SSH1: variants seen among roughly 807,000 people sequenced by gnomAD.
SSH1 encodes slingshot protein phosphatase 1.
A neutral mutation model predicts 79.7 loss-of-function variants in SSH1; 43 were observed. The observed-to-expected ratio is 0.54, with a 90% CI of 0.42 to 0.70. The LOEUF (loss-of-function observed/expected upper bound fraction) is 0.70. SSH1 is among the 30% of genes least tolerant of loss of function. The pLI is 0.00. For synonymous variants in SSH1, 599 were observed against 538.3 expected, an observed-to-expected ratio of 1.11 and a Z score of -1.56; for missense variants, 1,206 against 1,358.8, an observed-to-expected ratio of 0.89 and a Z score of 1.77.
chr12:108,804,364 C>CACTAGGCCTCTCTAATTTT (rs2037168858), intron 10 of SSH1, among the ~76,000 whole-genome samples: 1 of 152,224 alleles, frequency 6.6e-6, no homozygotes. Context: ...TTCATTACAC[C>CACTAGGCCTCTCTAATTTT]ACTAGGCCTC....
At chr12:108,848,004 G>A (rs2038937125) in intron 2 of SSH1, among the ~76,000 whole-genome samples, 2 of 152,200 alleles carry the variant, frequency 1.3e-5, no homozygotes, top group Admixed American at 1.3e-4. Flanking sequence ...ACTGGCCTAG[G>A]GAACGTGTGT....
intron 2 of SSH1, chr12:108,836,874 A>C (rs1245219753): frequency 3.8e-6 from 2 of 529,824 alleles, no homozygotes; most frequent in Non-Finnish European, 7.8e-6. Context: ...GGAATCACAC[A>C]AGAACATCAG....
At chr12:108,854,563 G>C (rs150267075) in intron 1 of SSH1, among the ~76,000 whole-genome samples, 15 of 152,292 alleles carry the variant, frequency 9.8e-5, no homozygotes, top group South Asian at 2.1e-4. Context: ...TTCCCACGCC[G>C]GCAGCAGGCC....
Position 108,798,197 on chromosome 12 carries a change from C to T in SSH1, c.1349+803G>A, listed in dbSNP as rs1423707593. Among the ~76,000 whole-genome samples the T allele has an allele frequency of 7.2e-5, 11 of 152,248 alleles. No individual in the cohort carries two copies. In the East Asian group the frequency reaches 2.1e-3, roughly 29 times the overall value. Reference sequence around the variant, plus strand: ...CTGGGTAAATGAGGCACCTCTGTCACGTGTCCCAAAAAGGGGTCAAGAAAA... The same window carrying T: ...CTGGGTAAATGAGGCACCTCTGTCATGTGTCCCAAAAAGGGGTCAAGAAAA... On this transcript the variant is annotated intron_variant, in intron 13 of 14. Transcript: ENST00000326495.
intron 2 of SSH1, among the ~76,000 whole-genome samples, chr12:108,844,128 G>C (rs1184225652): frequency 6.6e-6 from 1 of 152,026 alleles, no homozygotes; most frequent in Non-Finnish European, 1.5e-5. Flanking sequence ...ATTTAATTCT[G>C]ACAACCACCC....
intron 2 of SSH1, among the ~76,000 whole-genome samples, chr12:108,824,365 T>C (rs1377779411): frequency 2.0e-5 from 3 of 151,984 alleles, no homozygotes; most frequent in African/African-American, 4.8e-5. Flanking sequence ...AATCGCTTAC[T>C]TGAGCCCCAG....
intron 2 of SSH1, among the ~76,000 whole-genome samples, chr12:108,824,412 A>G (rs1170179349): frequency 6.6e-6 from 1 of 151,678 alleles, no homozygotes. Flanking sequence ...CGCACCACGC[A>G]CCACTGCACT....
At chr12:108,840,932 C>T (rs866023839) in intron 2 of SSH1, among the ~76,000 whole-genome samples, 1 of 152,204 alleles carries the variant, frequency 6.6e-6, no homozygotes, top group African/African-American at 2.4e-5. Flanking sequence ...AGCGCATGAC[C>T]TTGCTCTCAC....
intron 2 of SSH1, among the ~76,000 whole-genome samples, chr12:108,838,789 T>C (rs2038704343): frequency 6.6e-6 from 1 of 152,238 alleles, no homozygotes; most frequent in Non-Finnish European, 1.5e-5. Flanking sequence ...ACTGATCTGC[T>C]GGTATTTTCA....
intron 2 of SSH1, chr12:108,837,005 C>T (rs776912951): frequency 1.0e-5 from 5 of 488,054 alleles, no homozygotes; most frequent in East Asian, 6.0e-5. Flanking sequence ...CTGAGGTGGG[C>T]GGATCACTTG....
intron 10 of SSH1, among the ~76,000 whole-genome samples, chr12:108,803,372 A>C (rs1248625150): frequency 1.3e-5 from 2 of 151,768 alleles, no homozygotes; most frequent in African/African-American, 2.4e-5. Flanking sequence ...GGGAAAAAAA[A>C]AAAGAAAAGA....
chr12:108,802,349 G>T lies in SSH1; in HGVS notation c.974C>A (p.Ser325Tyr). 6 of 1,614,066 alleles carry T rather than the reference G, an allele frequency of 3.7e-6. No homozygotes were observed. The highest frequency in any genetic ancestry group is 5.1e-6 in the Non-Finnish European group (6 of 1,179,990). ...HLYLGSEWNASNLEELQGSGV... is the reference protein window; with the variant it reads ...HLYLGSEWNAYNLEELQGSGV... ...TGAGCCCTGCAGTTCCTCCAGATTG[G>T]ATGCATTCCATTCAGAGCCCTGGGA... The change falls in exon 11 of 15, where the codon TCC (serine) becomes TAC (tyrosine). Residue 325 changes from serine (S) to tyrosine (Y), a missense_variant. By Grantham distance (144) the Ser-to-Tyr change is moderately radical (BLOSUM62 -2). This residue lies in a region of SSH1 where 166 missense variants were observed against 262.9 expected (regional missense o/e 0.63). Coordinates refer to ENST00000326495, the MANE Select transcript of SSH1 (RefSeq NM_018984.4).
intron 2 of SSH1, among the ~76,000 whole-genome samples, chr12:108,849,218 T>C (rs1458528860): frequency 6.6e-6 from 1 of 152,136 alleles, no homozygotes; most frequent in African/African-American, 2.4e-5. Context: ...TAAGGTCCCC[T>C]GCAGCTCCCA....
At chr12:108,851,836 T>G (rs929679154) in intron 2 of SSH1, among the ~76,000 whole-genome samples, 1 of 151,952 alleles carries the variant, frequency 6.6e-6, no homozygotes, top group Non-Finnish European at 1.5e-5. Flanking sequence ...AAAAGCAAGA[T>G]GAAAAAGTGA....
At chr12:108,836,512 A>T (rs1173732429) in intron 2 of SSH1, among the ~76,000 whole-genome samples, 1 of 152,260 alleles carries the variant, frequency 6.6e-6, no homozygotes, top group Non-Finnish European at 1.5e-5. Flanking sequence ...GCCAGCCTGG[A>T]TGAGATCCCA....
In SSH1 at chr12:108,782,338, A is replaced by T. The variant is rs139641692; in HGVS notation, c.*5650T>A. ...GAGCAGGTTAGATGTTCTTTAGTGC[A>T]CACCTCTGGCTTTACATTTCCTACT... On this transcript the variant is annotated 3_prime_UTR_variant, in exon 15 of 15. Coordinates refer to ENST00000326495, the MANE Select transcript of SSH1 (RefSeq NM_018984.4). 122 of 151,610 alleles carry T rather than the reference A, an allele frequency of 8.0e-4. 1 individual carries two copies. The highest frequency in any genetic ancestry group is 3.5e-3 in the Middle Eastern group (1 of 288). 9.4% of individuals were successfully genotyped at this position (151,610 alleles called of 1,614,324 possible).
chr12:108,844,180 G>A (rs974889116), intron 2 of SSH1, among the ~76,000 whole-genome samples: 7 of 151,988 alleles, frequency 4.6e-5, no homozygotes, highest in Admixed American at 6.6e-5. Context: ...ACTAAGGCCT[G>A]CCCGAGATCA....
In SSH1 at chr12:108,807,102, C is replaced by T. The variant is rs2037316587; in HGVS notation, c.731+531G>A. The stretch of plus-strand genomic sequence containing the variant: ...AGCATTCTCCCTAACTAGACTTCAG[C>T]GAGTGTGGCCTCTCCATGTCAGCGC... On this transcript the variant is annotated intron_variant, in intron 8 of 14. Coordinates refer to ENST00000326495, the MANE Select transcript of SSH1 (RefSeq NM_018984.4). This position sits in a 1 kb window ranked among gnomAD's most constrained non-coding sequence, Gnocchi z 5.2. 6.6e-6 allele frequency among the ~76,000 whole-genome samples: 1 copy of T among 152,222 alleles called. No individual in the cohort carries two copies. The highest frequency in any genetic ancestry group is 1.5e-5 in the Non-Finnish European group (1 of 68,040).
intron 14 of SSH1, among the ~76,000 whole-genome samples, chr12:108,791,548 A>G (rs887840174): frequency 3.9e-5 from 6 of 152,212 alleles, no homozygotes; most frequent in Admixed American, 3.3e-4. Context: ...CAAGGTGGGC[A>G]GATGGCTTGA....
Sources: allele counts gnomAD v4.1 joint callset (sites outside exome capture counted in the v4.1 genomes callset), GRCh38; gene constraint gnomAD v4.1.1; regional missense constraint gnomAD v4.1.1; non-coding constraint Gnocchi (gnomAD v3.1); transcripts MANE v1.5; gene names NCBI Gene and HGNC (gene_info 2026-07-23, HGNC 2026-07-21).